The following CPNE1 variants were observed in gnomAD, a reference collection of about 807,000 sequenced individuals.
The protein encoded by CPNE1 is copine 1, also known as copine-1.
A neutral mutation model predicts 63.2 loss-of-function variants in CPNE1; 58 were observed. That is an observed-to-expected ratio of 0.92 (90% confidence interval 0.74 to 1.14). CPNE1 has a LOEUF of 1.14. CPNE1 is among the 50% of genes most tolerant of loss of function. The pLI is 0.00. For synonymous variants in CPNE1, 237 were observed against 249.0 expected, an observed-to-expected ratio of 0.95 and a Z score of 0.45; for missense variants, 672 against 661.7, an observed-to-expected ratio of 1.02 and a Z score of -0.17.
At chr20:35,634,790 G>A (rs2032391119) in intron 1 of CPNE1, among the ~76,000 whole-genome samples, 1 of 151,938 alleles carries the variant, frequency 6.6e-6, no homozygotes, top group African/African-American at 2.4e-5. Flanking sequence ...CCAGGCTGAA[G>A]TGCAGTGGTG....
intron 5 of CPNE1, 52 bp downstream of exon 5, chr20:35,632,111 C>T (rs1350494557): frequency 1.2e-6 from 2 of 1,604,462 alleles, no homozygotes; most frequent in African/African-American, 2.7e-5. Context: ...CCCCCATACA[C>T]CATCCTTGGC....
At chr20:35,653,354 G>A (rs1328561423) in intron 1 of CPNE1, 1 of 1,614,138 alleles carries the variant, frequency 6.2e-7, no homozygotes, top group Non-Finnish European at 8.5e-7. Flanking sequence ...ACACCGGGCA[G>A]TCCCGCATTG....
intron 1 of CPNE1, chr20:35,655,024 G>A (rs764782351): frequency 4.3e-6 from 7 of 1,614,182 alleles, no homozygotes; most frequent in Non-Finnish European, 3.4e-6. Context: ...ACTGGCATTT[G>A]CTGGTGGTAT....
intron 1 of CPNE1, among the ~76,000 whole-genome samples, chr20:35,637,119 C>T (rs1001815400): frequency 7.2e-5 from 11 of 152,148 alleles, no homozygotes; most frequent in Admixed American, 5.9e-4. Flanking sequence ...ATCTTCTTGA[C>T]TGTTCATTCT....
At chr20:35,641,119 T>C (rs2032779817) in intron 1 of CPNE1, among the ~76,000 whole-genome samples, 1 of 152,238 alleles carries the variant, frequency 6.6e-6, no homozygotes, top group South Asian at 2.1e-4. Context: ...AAGAAAGGCA[T>C]ACTCATTCCC....
intron 1 of CPNE1, chr20:35,655,188 G>A (rs2033823675): frequency 1.2e-6 from 2 of 1,614,126 alleles, no homozygotes; most frequent in Non-Finnish European, 8.5e-7. Context: ...TGGCAAAAAC[G>A]ATGAAAGCCT....
chr20:35,648,511 T>C (rs1472866139), intron 1 of CPNE1, among the ~76,000 whole-genome samples: 2 of 152,236 alleles, frequency 1.3e-5, no homozygotes, highest in South Asian at 2.1e-4. Flanking sequence ...TTTCACTCAG[T>C]GATTTGTCCA....
At chr20:35,648,207 A>C (rs1170585832) in intron 1 of CPNE1, among the ~76,000 whole-genome samples, 1 of 152,220 alleles carries the variant, frequency 6.6e-6, no homozygotes, top group Non-Finnish European at 1.5e-5. Flanking sequence ...AGAACATTTC[A>C]CAAGTCAAAA....
At chr20:35,651,761 G>C (rs2033536727) in intron 1 of CPNE1, 2 of 152,580 alleles carry the variant, frequency 1.3e-5, no homozygotes, top group South Asian at 4.1e-4. Flanking sequence ...AAACCAAAAA[G>C]GCTCTGGTAG....
intron 12 of CPNE1, 97 bp from the exon 13 acceptor site, chr20:35,630,587 G>C (rs978954370): frequency 8.1e-6 from 12 of 1,482,434 alleles, no homozygotes; most frequent in South Asian, 7.9e-5. Context: ...AGGAGCTATG[G>C]AGTCCTGAGC....
chr20:35,658,802 AACACACAC>A (rs10542710), intron 1 of CPNE1: 4,995 of 473,434 alleles, frequency 0.011, 24 homozygotes, highest in East Asian at 0.037. Context: ...AGCAAACAAA[AACACACAC>A]ACACACACAC....
At chr20:35,644,575 C>T (rs1416086060) in intron 1 of CPNE1, among the ~76,000 whole-genome samples, 1 of 152,208 alleles carries the variant, frequency 6.6e-6, no homozygotes, top group Admixed American at 6.5e-5. Context: ...AAAAGAAACA[C>T]TGAGGCCAGA....
rs2031768748 is a variant in CPNE1 at position 35,626,708 on chromosome 20, T to C, written c.1332A>G (p.Ser444=). ...CACCACCCACACCCACAATGATCAC[T>C]GACATGGGCAGGTTCGAGGCACGCA... The part of the protein sequence containing the change: ...AVVRASNLPM[S]VIIVGVGGAD... Residue 444 remains serine, a synonymous_variant, in exon 15 of 16, where the codon TCA becomes TCG. Coordinates refer to ENST00000397443, the MANE Select transcript of CPNE1 (RefSeq NM_152925.3). 6.2e-7 allele frequency: 1 copy of C among 1,614,104 alleles called. No homozygotes were observed.
intron 1 of CPNE1, among the ~76,000 whole-genome samples, chr20:35,636,019 A>G (rs968414378): frequency 1.3e-5 from 2 of 152,188 alleles, no homozygotes; most frequent in African/African-American, 4.8e-5. Context: ...TCTTACTTCT[A>G]CCTGGTAGTT....
At chr20:35,647,006 A>G (rs1230623331) in intron 1 of CPNE1, among the ~76,000 whole-genome samples, 1 of 151,920 alleles carries the variant, frequency 6.6e-6, no homozygotes, top group Non-Finnish European at 1.5e-5. Context: ...CTAACCTTTA[A>G]CATTTTAATT....
In CPNE1 at chr20:35,627,271, G is replaced by A. The variant is rs1410528456; in HGVS notation, c.1236+9C>T. The A allele has an allele frequency of 4.5e-6, 7 of 1,569,954 alleles. No homozygotes were observed. The Admixed American group carries it at 5.2e-5, about 12-fold the overall frequency. ...TGCCACCACTGCCACTGCCACCCAC[G>A]ACTCTCACCGAGGCAGTCCCCTGAT... On this transcript the variant is annotated intron_variant, in intron 14 of 15. Coordinates refer to ENST00000397443, the MANE Select transcript of CPNE1 (RefSeq NM_152925.3).
chr20:35,630,829 T>C (rs2032074503), intron 11 of CPNE1, 34 bp from the exon 12 acceptor site: 1 of 1,608,054 alleles, frequency 6.2e-7, no homozygotes, highest in East Asian at 2.2e-5. Flanking sequence ...CAAAAGGCAG[T>C]GAGGGGACTG....
At chr20:35,628,756 T>C (rs760418503) in intron 13 of CPNE1, among the ~76,000 whole-genome samples, 5 of 152,244 alleles carry the variant, frequency 3.3e-5, no homozygotes, top group Non-Finnish European at 5.9e-5. Context: ...TAAAAGACAT[T>C]AGGACAATTG....
chr20:35,642,512 C>G (rs1025604492), intron 1 of CPNE1, among the ~76,000 whole-genome samples: 2 of 152,198 alleles, frequency 1.3e-5, no homozygotes, highest in Non-Finnish European at 2.9e-5. Context: ...CAAAGGACCA[C>G]CCATGGAACA....
Sources: allele counts gnomAD v4.1 joint callset (sites outside exome capture counted in the v4.1 genomes callset), GRCh38; gene constraint gnomAD v4.1.1; transcripts MANE v1.5; gene names NCBI Gene and HGNC (gene_info 2026-07-23, HGNC 2026-07-21).